Variants in MIGA1 observed in about 807,000 individuals in gnomAD.
MIGA1 encodes family with sequence similarity 73, member A.
In MIGA1, 58 loss-of-function variants were observed where a neutral mutation model predicts 82.0. The observed-to-expected ratio is 0.71, with a 90% CI of 0.57 to 0.88. MIGA1 has a LOEUF of 0.88. Among genes scored for constraint, MIGA1 ranks in the 40% least tolerant of loss-of-function variants. MIGA1 has a pLI of 0.00. For synonymous variants in MIGA1, 249 were observed against 253.6 expected (o/e 0.98, Z 0.17); for missense variants, 751 against 749.1 (o/e 1.00, Z -0.03).
At chr1:77,811,597 GT>G in intron 5 of MIGA1, 1 of 1,612,174 alleles carries the variant, frequency 6.2e-7, no homozygotes, top group East Asian at 2.2e-5. Flanking sequence ...TTTGCCTATG[GT>G]TTTCTTTTGT....
chr1:77,851,329 T>G (rs2101911272), intron 8 of MIGA1, among the ~76,000 whole-genome samples: 1 of 152,308 alleles, frequency 6.6e-6, no homozygotes, highest in East Asian at 1.9e-4. Flanking sequence ...GGGAGAAGAA[T>G]AATTTCAAAA....
intron 8 of MIGA1, among the ~76,000 whole-genome samples, chr1:77,849,061 C>T (rs1255315604): frequency 6.6e-6 from 1 of 152,000 alleles, no homozygotes; most frequent in Non-Finnish European, 1.5e-5. Context: ...GTGCTAATTC[C>T]CTGTAGGTAC....
At chr1:77,845,466 G>A (rs1187026309) in intron 8 of MIGA1, among the ~76,000 whole-genome samples, 2 of 151,746 alleles carry the variant, frequency 1.3e-5, no homozygotes, top group Admixed American at 6.6e-5. Flanking sequence ...AGTGTTCATT[G>A]TACTCACTTT....
rs368173877 is a variant in MIGA1 at position 77,857,392 on chromosome 1, C to T, written c.997-1546C>T. 3.9e-4 allele frequency among the ~76,000 whole-genome samples: 59 copies of T among 150,708 alleles called. No homozygotes were observed. In the South Asian group the frequency reaches 5.3e-3, roughly 13 times the overall value. On this transcript the variant is annotated intron_variant, in intron 8 of 15. Coordinates refer to ENST00000370791, the MANE Select transcript of MIGA1 (RefSeq NM_198549.4). ...TTGTATTTATGTATTTATTTTGTGA[C>T]GGAGTTTCACTCTTGTTGCCCAGGC...
At chr1:77,868,570 A>G (rs1166709) in intron 14 of MIGA1, 136,987 of 152,226 alleles carry the variant, frequency 0.9, 61,871 homozygotes, top group African/African-American at 0.95. Flanking sequence ...CTCACCTCTT[A>G]GGAACTATTT....
Position 77,874,898 on chromosome 1 carries a change from A to G in MIGA1, c.1733A>G (p.Tyr578Cys). ...ATTTTTGACTTTGAGAAGGTGCGCT[A>G]TTCAAGTACAGAGACTTTAGCTGAA... The change falls in exon 16 of 16, where the codon TAT becomes TGT. Residue 578 changes from tyrosine (Y) to cysteine (C), a missense_variant. This residue lies in a region of MIGA1 where 265 missense variants were observed against 293.6 expected (regional missense o/e 0.90). Transcript: ENST00000370791. 6.2e-7 allele frequency: 1 copy of G among 1,614,154 alleles called. No homozygotes were observed. The highest frequency in any genetic ancestry group is 8.5e-7 in the Non-Finnish European group (1 of 1,180,018).
In MIGA1 at chr1:77,779,731, C is replaced by T; in HGVS notation, c.76C>T (p.Leu26Phe). Residue 26 changes from leucine (L) to phenylalanine (F), a missense_variant, in exon 1 of 16, where the codon CTC becomes TTC. Leu to Phe is a conservative substitution (Grantham distance 22). Coordinates refer to ENST00000370791, the MANE Select transcript of MIGA1 (RefSeq NM_198549.4). ...CAGGCCAGCTGTACCTGGCCTGGAGCTCCAGGTACAGGGCCAGGGGCGGGG... is the reference window on the plus strand; with the variant it reads ...CAGGCCAGCTGTACCTGGCCTGGAGTTCCAGGTACAGGGCCAGGGGCGGGG... 6.4e-7 allele frequency: 1 copy of T among 1,572,350 alleles called. No individual in the cohort carries two copies.
chr1:77,806,335 C>T (rs1249671742), intron 4 of MIGA1, among the ~76,000 whole-genome samples: 2 of 152,110 alleles, frequency 1.3e-5, no homozygotes, highest in Admixed American at 6.5e-5. Flanking sequence ...ATATGTGGTC[C>T]GTCGTTGACC....
chr1:77,842,387 CTTT>C, intron 7 of MIGA1, among the ~76,000 whole-genome samples: 1 of 152,180 alleles, frequency 6.6e-6, no homozygotes, highest in East Asian at 1.9e-4. Context: ...AGAATTTGAA[CTTT>C]TTCAACCTTT....
At chr1:77,804,993 CTTTTTTTTT>C (rs67999119) in intron 4 of MIGA1, among the ~76,000 whole-genome samples, 9 of 95,818 alleles carry the variant, frequency 9.4e-5, no homozygotes, top group Middle Eastern at 6.1e-3. Context: ...TTCCATATTT[CTTTTTTTTT>C]TTTTTTTTTT....
intron 7 of MIGA1, among the ~76,000 whole-genome samples, chr1:77,822,128 A>G (rs978207023): frequency 6.6e-6 from 1 of 150,994 alleles, no homozygotes. Flanking sequence ...CATTGCATAC[A>G]TATAAAAAAA....
chr1:77,869,360 C>G (rs1392494235), intron 14 of MIGA1, among the ~76,000 whole-genome samples: 1 of 148,634 alleles, frequency 6.7e-6, no homozygotes, highest in African/African-American at 2.5e-5. Flanking sequence ...ACAGACCCGG[C>G]AACCATCCGA....
chr1:77,807,907 C>T (rs1437134721), intron 5 of MIGA1, among the ~76,000 whole-genome samples: 1 of 152,150 alleles, frequency 6.6e-6, no homozygotes, highest in Non-Finnish European at 1.5e-5. Flanking sequence ...CAACCTCCAC[C>T]TCCCGGGTTC....
At chr1:77,844,113 A>ATAT (rs1553223128) in intron 8 of MIGA1, among the ~76,000 whole-genome samples, 286 of 89,652 alleles carry the variant, frequency 3.2e-3, no homozygotes, top group Non-Finnish European at 4.1e-3. Context: ...AAAAAAAAAA[A>ATAT]ATATATATAT....
intron 7 of MIGA1, among the ~76,000 whole-genome samples, chr1:77,822,846 T>G (rs1362596775): frequency 6.7e-6 from 1 of 149,818 alleles, no homozygotes; most frequent in Non-Finnish European, 1.5e-5. Context: ...TTTTTTTTTT[T>G]TTTTTTTTTT....
chr1:77,814,406 A>C (rs376715506), intron 6 of MIGA1, among the ~76,000 whole-genome samples: 13 of 150,550 alleles, frequency 8.6e-5, no homozygotes, highest in Admixed American at 3.3e-4. Flanking sequence ...TTTTTAAAGA[A>C]ATGGGGTCTT....
intron 11 of MIGA1, 176 bp from the exon 12 acceptor site, chr1:77,861,048 C>A (rs1250099971): frequency 2.0e-6 from 1 of 506,272 alleles, no homozygotes; most frequent in African/African-American, 2.0e-5. Context: ...ATCTTGGCTT[C>A]TGCAAAATGT....
intron 2 of MIGA1, among the ~76,000 whole-genome samples, chr1:77,793,897 G>A (rs1300364780): frequency 6.9e-6 from 1 of 145,846 alleles, no homozygotes; most frequent in Non-Finnish European, 1.5e-5. Flanking sequence ...AGCAATTCTC[G>A]TGCTTCAGCC....
intron 5 of MIGA1, among the ~76,000 whole-genome samples, chr1:77,809,248 C>G (rs999866620): frequency 1.3e-5 from 2 of 152,090 alleles, no homozygotes; most frequent in African/African-American, 2.4e-5. Flanking sequence ...CTGTGGACCA[C>G]CTGGTATCAT....
Sources: gnomAD v4.1 joint callset for allele counts (sites outside exome capture counted in the v4.1 genomes callset) on GRCh38, gnomAD v4.1.1 for gene constraint, gnomAD v4.1.1 regional missense constraint, MANE v1.5 for transcripts, NCBI Gene and HGNC (gene_info 2026-07-23, HGNC 2026-07-21) for gene names.